Variants in PADI3 observed in about 807,000 individuals in gnomAD.
PADI3 encodes peptidyl arginine deiminase 3.
PADI3 carries 53 observed loss-of-function variants against 71.5 expected under a neutral mutation model. That is an observed-to-expected ratio of 0.74 (90% CI 0.59 to 0.93). PADI3 has a LOEUF of 0.93. Among genes scored for constraint, PADI3 ranks in the 40% least tolerant of loss-of-function variants. The pLI, the probability that PADI3 is intolerant of heterozygous loss-of-function variation, is 0.00. For missense variants in PADI3, 821 were observed against 868.0 expected, an observed-to-expected ratio of 0.95 and a Z score of 0.68; for synonymous variants, 361 against 347.5, an observed-to-expected ratio of 1.04 and a Z score of -0.43.
rs199615967 is a variant in PADI3 at position 17,266,815 on chromosome 1, C to T, written c.505C>T (p.Gln169Ter). 194 of 1,613,892 alleles carry T rather than the reference C, an allele frequency of 1.2e-4. 1 individual carries two copies. The highest frequency in any genetic ancestry group is 5.0e-4 in the Middle Eastern group (3 of 6,060). The change falls in exon 5 of 16, where the codon CAG becomes TAG. Residue 169 changes from glutamine to a stop codon, truncating the protein, a stop_gained. Transcript: ENST00000375460. LOFTEE classifies it high-confidence loss of function. ...PSCDVQDNCD[Q>*]HVHCLQDLED... ...CTGTGATGTCCAGGACAATTGTGAC[C>T]AGCACGTGCACTGCCTGCAAGGTGA...
At position 17,266,721 on chromosome 1, in the gene PADI3, G is replaced by A; in HGVS notation, c.411G>A (p.Arg137=). 6.2e-7 allele frequency: 1 copy of A among 1,613,494 alleles called. No individual in the cohort carries two copies. Among genetic ancestry groups the A allele is most frequent in the Non-Finnish European group, 8.5e-7 (1 of 1,179,410 alleles). ...TGGCTATGTTTTGTCATTGGCAGCG[G>A]CAGTGGGTCTGGGGGCCCAGTGGGT... ...GRQDRNFVDK[R]QWVWGPSGYG... The change falls in exon 5 of 16, where the codon CGG becomes CGA. Residue 137 remains arginine (R), a splice_region_variant and synonymous_variant. Coordinates refer to ENST00000375460, the MANE Select transcript of PADI3 (RefSeq NM_016233.2).
intron 1 of PADI3, among the ~76,000 whole-genome samples, chr1:17,258,536 C>T (rs779756137): frequency 6.6e-6 from 1 of 152,252 alleles, no homozygotes; most frequent in African/African-American, 2.4e-5. Context: ...GGTTGTTTGA[C>T]CAAATCCGGC....
intron 5 of PADI3, among the ~76,000 whole-genome samples, chr1:17,267,231 A>G (rs1336931161): frequency 6.6e-6 from 1 of 151,740 alleles, no homozygotes; most frequent in Non-Finnish European, 1.5e-5. Context: ...AAGCCAGGAG[A>G]CTCCCTGAAG....
chr1:17,257,165 C>T (rs2073039377), intron 1 of PADI3, among the ~76,000 whole-genome samples: 1 of 150,858 alleles, frequency 6.6e-6, no homozygotes, highest in Non-Finnish European at 1.5e-5. Context: ...TCCTGTGTCT[C>T]TTTCCGACTC....
Position 17,276,505 on chromosome 1 carries a change from C to T in PADI3, c.1308-14C>T, listed in dbSNP as rs751009001. ...TTAGTTAAGCAACTTTTTTTTTAAC[C>T]TCGTGGGTCCCAGGTCAAGTGGCCG... is the stretch of plus-strand genomic sequence containing the variant. On this transcript the variant is annotated splice_polypyrimidine_tract_variant and intron_variant, in intron 11 of 15. Transcript: ENST00000375460. 31 of 1,611,058 alleles carry T rather than the reference C, an allele frequency of 1.9e-5. No homozygotes were observed. Among genetic ancestry groups the T allele is most frequent in the Non-Finnish European group, 2.6e-5 (31 of 1,179,362 alleles).
At chr1:17,270,438 G>T (rs1271793326) in intron 7 of PADI3, 27 bp downstream of exon 7, 1 of 1,590,424 alleles carries the variant, frequency 6.3e-7, no homozygotes, top group Non-Finnish European at 8.6e-7. Flanking sequence ...TTCAAGAGGA[G>T]CTCCACTCGG....
intron 13 of PADI3, among the ~76,000 whole-genome samples, chr1:17,279,297 C>A (rs11585119): frequency 0.11 from 16,601 of 152,228 alleles, 1,245 homozygotes; most frequent in Non-Finnish European, 0.16. Flanking sequence ...CGCCAGGCCT[C>A]ACGCTGTGTG....
chr1:17,281,027 G>A (rs573056507), intron 15 of PADI3, among the ~76,000 whole-genome samples: 25 of 152,216 alleles, frequency 1.6e-4, no homozygotes, highest in Non-Finnish European at 2.8e-4. Context: ...ATCAGGGAAG[G>A]GGTCCACTTG....
chr1:17,258,543 C>T (rs941297967), intron 1 of PADI3, among the ~76,000 whole-genome samples: 3 of 152,238 alleles, frequency 2.0e-5, no homozygotes, highest in Non-Finnish European at 2.9e-5. Flanking sequence ...TGACCAAATC[C>T]GGCCAAGTTT....
rs2073388815 is a variant in PADI3 at position 17,280,661 on chromosome 1, C to T, written c.1636-10C>T. 6.2e-7 allele frequency: 1 copy of T among 1,614,144 alleles called. No homozygotes were observed. Among genetic ancestry groups the T allele is most frequent in the Non-Finnish European group, 8.5e-7 (1 of 1,179,988 alleles). ...AGGTGTCCCCAACTCTGGCCCTCCC[C>T]TGCCCCCAGAGCTGCATCGACTGGA... On this transcript the variant is annotated splice_polypyrimidine_tract_variant and intron_variant, in intron 14 of 15. Transcript: ENST00000375460.
chr1:17,249,618 C>T lies in PADI3; in HGVS notation c.92+389C>T, dbSNP rs372305742. ...CCAGCCCCATCCTGAGCCTATGAGCCTAGAAACAGAGCATGAATCATTTTT... is the reference window on the plus strand; with the variant it reads ...CCAGCCCCATCCTGAGCCTATGAGCTTAGAAACAGAGCATGAATCATTTTT... On this transcript the variant is annotated intron_variant, in intron 1 of 15. Coordinates refer to ENST00000375460, the MANE Select transcript of PADI3 (RefSeq NM_016233.2). Among the ~76,000 whole-genome samples, 13 of 152,304 alleles carry T rather than the reference C, an allele frequency of 8.5e-5. No homozygotes were observed. In the South Asian group the frequency reaches 2.3e-3, roughly 27 times the overall value.
In PADI3 at chr1:17,250,568, G is replaced by A. The variant is rs12058442; in HGVS notation, c.92+1339G>A. On this transcript the variant is annotated intron_variant, in intron 1 of 15. Coordinates refer to ENST00000375460, the MANE Select transcript of PADI3 (RefSeq NM_016233.2). ...GCTGGTCATGGGAGGGAACCAAGTCGGGAGCAGAGCCAGCCCAGGAAATAA... is the reference window on the plus strand; with the variant it reads ...GCTGGTCATGGGAGGGAACCAAGTCAGGAGCAGAGCCAGCCCAGGAAATAA... Among the ~76,000 whole-genome samples, 939 of 152,288 alleles carry A rather than the reference G, an allele frequency of 6.2e-3. 13 individuals are homozygous for A. The highest frequency in any genetic ancestry group is 0.021 in the African/African-American group (864 of 41,568).
chr1:17,268,648 C>T (rs954431341), intron 6 of PADI3, among the ~76,000 whole-genome samples: 1 of 151,758 alleles, frequency 6.6e-6, no homozygotes, highest in African/African-American at 2.4e-5. Context: ...GCTGTGACTG[C>T]AGGCATGTGC....
At chr1:17,255,357 G>C (rs778753022) in intron 1 of PADI3, among the ~76,000 whole-genome samples, 24 of 152,196 alleles carry the variant, frequency 1.6e-4, no homozygotes, top group Non-Finnish European at 3.2e-4. Context: ...GGCTGGCTTG[G>C]GGGGTGTGGG....
At position 17,273,356 on chromosome 1, in the gene PADI3, G is replaced by C. The variant is rs527426588; in HGVS notation, c.1064G>C (p.Gly355Ala). The change falls in exon 10 of 16, where the codon GGC becomes GCC. Residue 355 changes from glycine (G) to alanine (A), a missense_variant. Gly to Ala is a moderately conservative substitution (Grantham distance 60). Transcript: ENST00000375460. Reference sequence around the variant, plus strand: ...CACTTGCAGGATGAGATGGAGCTGGGCTACGTTCAGGCGCCGCACAAGACC... The same window carrying C: ...CACTTGCAGGATGAGATGGAGCTGGCCTACGTTCAGGCGCCGCACAAGACC... ...DRWIQDEMEL[G>A]YVQAPHKTLP... 6.2e-7 allele frequency: 1 copy of C among 1,613,368 alleles called. No individual in the cohort carries two copies. Among genetic ancestry groups the C allele is most frequent in the Non-Finnish European group, 8.5e-7 (1 of 1,179,660 alleles).
chr1:17,267,890 T>G lies in PADI3; in HGVS notation c.580T>G (p.Phe194Val), dbSNP rs1191603752. 1.3e-5 allele frequency: 21 copies of G among 1,614,200 alleles called. No individual in the cohort carries two copies. Among genetic ancestry groups the G allele is most frequent in the Non-Finnish European group, 1.7e-5 (20 of 1,180,036 alleles). The change falls in exon 6 of 16, where the codon TTT (phenylalanine) becomes GTT (valine). Residue 194 changes from phenylalanine to valine, a missense_variant. Coordinates refer to ENST00000375460, the MANE Select transcript of PADI3 (RefSeq NM_016233.2). Reference protein sequence around the residue: ...VLRTQGPAALFDDHKLVLHTS... With the variant: ...VLRTQGPAALVDDHKLVLHTS... ...GCGGACGCAGGGCCCTGCAGCCCTC[T>G]TTGATGACCACAAACTTGTCCTCCA...
chr1:17,259,800 G>A (rs777965822), intron 2 of PADI3, 42 bp downstream of exon 2: 4 of 1,539,912 alleles, frequency 2.6e-6, no homozygotes, highest in Non-Finnish European at 3.5e-6. Context: ...TTTCGAGGGA[G>A]GCAGCTGTCT....
At chr1:17,264,854 T>C (rs1334830859) in intron 3 of PADI3, among the ~76,000 whole-genome samples, 1 of 151,890 alleles carries the variant, frequency 6.6e-6, no homozygotes, top group Non-Finnish European at 1.5e-5. Context: ...CTATGAAAGA[T>C]ACAAAAATTA....
Position 17,282,905 on chromosome 1 carries a change from C to T in PADI3, c.1821C>T (p.Ile607=), listed in dbSNP as rs765858336. The change falls in exon 16 of 16, where the codon ATC becomes ATT. Residue 607 remains isoleucine, a synonymous_variant. Coordinates refer to ENST00000375460, the MANE Select transcript of PADI3 (RefSeq NM_016233.2). ...TCCCCAAGCCCTTTGGGCCCATCATCAATGGCTGCTGCTGCCTGGAGGAGA... is the reference window on the plus strand; with the variant it reads ...TCCCCAAGCCCTTTGGGCCCATCATTAATGGCTGCTGCTGCCTGGAGGAGA... ...LGIPKPFGPI[I]NGCCCLEEKV... is the part of the protein sequence containing the mutation. The T allele has an allele frequency of 1.7e-5, 27 of 1,614,036 alleles. No individual in the cohort carries two copies. The highest frequency in any genetic ancestry group is 2.3e-5 in the Non-Finnish European group (27 of 1,180,016).
Sources: gnomAD v4.1 joint callset for allele counts (sites outside exome capture counted in the v4.1 genomes callset) on GRCh38, gnomAD v4.1.1 for gene constraint, MANE v1.5 for transcripts, NCBI Gene and HGNC (gene_info 2026-07-23, HGNC 2026-07-21) for gene names.